The following LPP variants were observed in gnomAD, a reference collection of about 807,000 sequenced individuals.
The protein encoded by LPP is lipoma-preferred partner.
LPP carries 38 observed loss-of-function variants against 60.4 expected under a neutral mutation model. The observed-to-expected ratio is 0.63, with a 90% confidence interval of 0.49 to 0.83. LPP has a LOEUF of 0.83. LPP is among the 40% of genes least tolerant of loss of function. The pLI is 0.00. For synonymous variants in LPP, 328 were observed against 290.8 expected (o/e 1.13, Z -1.30); for missense variants, 902 against 783.6 (o/e 1.15, Z -1.80).
intron 9 of LPP, among the ~76,000 whole-genome samples, chr3:188,773,292 T>G (rs920928683): frequency 1.3e-5 from 2 of 152,230 alleles, no homozygotes; most frequent in African/African-American, 4.8e-5. Flanking sequence ...ATCATCATTA[T>G]AGCAAGACAG....
At chr3:188,386,623 A>G in intron 3 of LPP, among the ~76,000 whole-genome samples, 1 of 152,200 alleles carries the variant, frequency 6.6e-6, no homozygotes, top group Admixed American at 6.5e-5. Flanking sequence ...TTCCCCGAAG[A>G]ATGATAATAA....
intron 3 of LPP, among the ~76,000 whole-genome samples, chr3:188,375,928 G>C (rs974937016): frequency 6.6e-5 from 10 of 152,138 alleles, no homozygotes; most frequent in Non-Finnish European, 1.2e-4. Context: ...TGGTTTCAAA[G>C]AACATCTTTA....
chr3:188,733,290 C>CGTGTGTGT lies in LPP; in HGVS notation c.1240+24918_1240+24925dup, dbSNP rs10576864. Among the ~76,000 whole-genome samples, 1,250 of 147,154 alleles carry CGTGTGTGT rather than the reference C, an allele frequency of 8.5e-3. 21 individuals are homozygous for CGTGTGTGT. Among genetic ancestry groups the CGTGTGTGT allele is most frequent in the African/African-American group, 0.028 (1,114 of 40,110 alleles). On this transcript the variant is annotated intron_variant, in intron 8 of 11. Coordinates refer to ENST00000617246, the MANE Select transcript of LPP (RefSeq NM_001375462.1). ...GAATCTTACTTTACTTCACCAAAAA[C>CGTGTGTGT]GTGTGTGTGTGTGTGTGTGTGTGTG...
intron 11 of LPP, among the ~76,000 whole-genome samples, chr3:188,874,051 G>A (rs1768882059): frequency 6.6e-6 from 1 of 151,564 alleles, no homozygotes; most frequent in African/African-American, 2.4e-5. Context: ...CTTCTACATG[G>A]GAGCCAAGAT....
At chr3:188,701,561 C>T (rs1290378268) in intron 7 of LPP, among the ~76,000 whole-genome samples, 1 of 152,220 alleles carries the variant, frequency 6.6e-6, no homozygotes, top group African/African-American at 2.4e-5. Context: ...AGTCTCCATC[C>T]TTCCTGTGCC....
rs542290231 is a variant in LPP at position 188,156,043 on chromosome 3, C to T, written c.-190+1791C>T. On this transcript the variant is annotated intron_variant, in intron 1 of 11. Coordinates refer to ENST00000617246, the MANE Select transcript of LPP (RefSeq NM_001375462.1). ...AAAAACAAAAAACAACAACAACAAA[C>T]AAAGGAGAGTGTGCATTTTTGCATT... Among the ~76,000 whole-genome samples the T allele has an allele frequency of 4.6e-5, 7 of 152,182 alleles. No individual in the cohort carries two copies. In the East Asian group the frequency reaches 1.4e-3, roughly 29 times the overall value.
intron 5 of LPP, among the ~76,000 whole-genome samples, chr3:188,518,950 C>T (rs557921885): frequency 1.3e-5 from 2 of 151,984 alleles, no homozygotes; most frequent in African/African-American, 2.4e-5. Flanking sequence ...ACCTTGAAAC[C>T]GAAATGAATA....
chr3:188,597,582 A>G (rs1580270451), intron 6 of LPP, among the ~76,000 whole-genome samples: 2 of 152,270 alleles, frequency 1.3e-5, no homozygotes, highest in South Asian at 2.1e-4. Context: ...AAGAAACCCA[A>G]TGTTTATAAA....
At chr3:188,576,253 T>G (rs1241052070) in intron 6 of LPP, among the ~76,000 whole-genome samples, 1 of 152,126 alleles carries the variant, frequency 6.6e-6, no homozygotes, top group Non-Finnish European at 1.5e-5. Context: ...TACACAGAAT[T>G]TAAACAATTG....
At chr3:188,599,914 G>C (rs1331591669) in intron 6 of LPP, among the ~76,000 whole-genome samples, 1 of 151,834 alleles carries the variant, frequency 6.6e-6, no homozygotes, top group Non-Finnish European at 1.5e-5. Flanking sequence ...TAATATTTGA[G>C]ATTATTTTAA....
At chr3:188,437,846 G>C (rs910468408) in intron 4 of LPP, among the ~76,000 whole-genome samples, 8 of 152,158 alleles carry the variant, frequency 5.3e-5, no homozygotes, top group Non-Finnish European at 7.3e-5. Flanking sequence ...AAGAAATTGG[G>C]AGCATGCTAT....
At chr3:188,670,255 T>C in intron 7 of LPP, among the ~76,000 whole-genome samples, 1 of 152,104 alleles carries the variant, frequency 6.6e-6, no homozygotes, top group East Asian at 1.9e-4. Context: ...AGTATAATAA[T>C]AAAAAAATAA....
chr3:188,387,614 T>G (rs1778651258), intron 3 of LPP, among the ~76,000 whole-genome samples: 1 of 150,686 alleles, frequency 6.6e-6, no homozygotes, highest in Non-Finnish European at 1.5e-5. Flanking sequence ...TCGCCCATGC[T>G]GGAGTGCAGT....
intron 2 of LPP, among the ~76,000 whole-genome samples, chr3:188,340,846 A>G (rs895496328): frequency 2.0e-5 from 3 of 152,202 alleles, no homozygotes; most frequent in African/African-American, 4.8e-5. Context: ...CTCTTGCCTA[A>G]TGTGCTTATA....
chr3:188,724,776 A>G (rs1168022944), intron 8 of LPP, among the ~76,000 whole-genome samples: 1 of 152,180 alleles, frequency 6.6e-6, no homozygotes, highest in Non-Finnish European at 1.5e-5. Flanking sequence ...ACACACGTAA[A>G]TAGTTTTAAC....
chr3:188,813,465 A>G (rs535595414), intron 9 of LPP, among the ~76,000 whole-genome samples: 80 of 152,336 alleles, frequency 5.3e-4, no homozygotes, highest in African/African-American at 1.8e-3. Context: ...TCATAAATTA[A>G]AAGGCTACGG....
chr3:188,248,497 T>TATATATATATATATATAC (rs1288280759), intron 2 of LPP, among the ~76,000 whole-genome samples: 6 of 140,716 alleles, frequency 4.3e-5, no homozygotes, highest in Non-Finnish European at 4.6e-5. Flanking sequence ...TATATATATA[T>TATATATATATATATATAC]ACAGTCAGCA....
At chr3:188,191,731 A>G (rs1336728805) in intron 1 of LPP, among the ~76,000 whole-genome samples, 1 of 152,198 alleles carries the variant, frequency 6.6e-6, no homozygotes. Context: ...CTACGAGCTC[A>G]CTGTAGCTGA....
intron 2 of LPP, among the ~76,000 whole-genome samples, chr3:188,326,159 G>A (rs1758371707): frequency 6.6e-6 from 1 of 152,162 alleles, no homozygotes; most frequent in African/African-American, 2.4e-5. Flanking sequence ...TCTTTCTAAA[G>A]CTTTAAGTTT....
Sources: allele counts gnomAD v4.1 joint callset (sites outside exome capture counted in the v4.1 genomes callset), GRCh38; gene constraint gnomAD v4.1.1; transcripts MANE v1.5; gene names NCBI Gene and HGNC (gene_info 2026-07-23, HGNC 2026-07-21).